The following RSRC1 variants were observed in gnomAD, a reference collection of about 807,000 sequenced individuals.
RSRC1 encodes the protein arginine and serine rich coiled-coil 1, also known as serine/Arginine-related protein 53.
Under a neutral mutation model 49.1 loss-of-function variants are expected in RSRC1, and 39 were observed. The ratio of observed to expected loss-of-function variants is 0.79; its 90% confidence interval spans 0.61 to 1.04. The LOEUF (loss-of-function observed/expected upper bound fraction) is 1.04. Among genes scored for constraint, RSRC1 ranks in the 50% least tolerant of loss-of-function variants. The pLI, the probability that RSRC1 is intolerant of heterozygous loss-of-function variation, is 0.00. For missense variants in RSRC1, 388 were observed against 402.4 expected (o/e 0.96, Z 0.31); for synonymous variants, 143 against 130.8 (o/e 1.09, Z -0.63).
At chr3:158,363,849 T>C (rs971083261) in intron 6 of RSRC1, among the ~76,000 whole-genome samples, 15 of 152,188 alleles carry the variant, frequency 9.9e-5, no homozygotes, top group African/African-American at 3.6e-4. Context: ...TCTAAAGTAA[T>C]GTTTTATGAT....
intron 3 of RSRC1, among the ~76,000 whole-genome samples, chr3:158,172,716 G>A (rs182615544): frequency 6.6e-6 from 1 of 152,194 alleles, no homozygotes; most frequent in Admixed American, 6.5e-5. Context: ...CTTTTAGGAT[G>A]TTTACTTAAT....
At chr3:158,400,281 G>A (rs1733831204) in intron 6 of RSRC1, among the ~76,000 whole-genome samples, 1 of 152,014 alleles carries the variant, frequency 6.6e-6, no homozygotes, top group Non-Finnish European at 1.5e-5. Flanking sequence ...CAAACTTCCT[G>A]CAGTGCCAGT....
chr3:158,423,389 A>G (rs1425798874), intron 6 of RSRC1, among the ~76,000 whole-genome samples: 1 of 151,898 alleles, frequency 6.6e-6, no homozygotes, highest in African/African-American at 2.4e-5. Context: ...ATAGTTGTAG[A>G]TATGCGGTGT....
chr3:158,171,379 A>C (rs1718872275), intron 3 of RSRC1, among the ~76,000 whole-genome samples: 1 of 152,198 alleles, frequency 6.6e-6, no homozygotes, highest in African/African-American at 2.4e-5. Flanking sequence ...ACTAATATTT[A>C]AGGGAAAAGA....
intron 9 of RSRC1, 28 bp from the exon 10 acceptor site, chr3:158,544,155 A>AT: frequency 6.6e-7 from 1 of 1,518,232 alleles, no homozygotes; most frequent in Non-Finnish European, 9.1e-7. Context: ...AGACAGTAAC[A>AT]TTTTTTCTTT....
intron 5 of RSRC1, among the ~76,000 whole-genome samples, chr3:158,333,732 C>T (rs563244171): frequency 2.0e-5 from 3 of 152,212 alleles, no homozygotes; most frequent in Admixed American, 2.0e-4. Flanking sequence ...AATAAAAACA[C>T]AGAAGGTTTT....
chr3:158,336,244 T>C (rs542927494), intron 5 of RSRC1, among the ~76,000 whole-genome samples: 11 of 152,336 alleles, frequency 7.2e-5, no homozygotes, highest in African/African-American at 2.4e-4. Flanking sequence ...TCTCCATTCA[T>C]TGGTCCGGCC....
In RSRC1 at chr3:158,382,407, T is replaced by G. The variant is rs150796276; in HGVS notation, c.583+27499T>G. On this transcript the variant is annotated intron_variant, in intron 6 of 9. Coordinates refer to ENST00000611884, the MANE Select transcript of RSRC1 (RefSeq NM_001271838.2). ...AACACAGTCATTTATTATGCTATGC[T>G]TTTATATGCTGGGCAGCACAGTTGG... Among the ~76,000 whole-genome samples, 383 of 152,348 alleles carry G rather than the reference T, an allele frequency of 2.5e-3. 1 individual carries two copies. The highest frequency in any genetic ancestry group is 4.7e-3 in the Non-Finnish European group (320 of 68,028).
At chr3:158,535,524 T>TGAAC (rs1712669495) in intron 7 of RSRC1, among the ~76,000 whole-genome samples, 1 of 150,906 alleles carries the variant, frequency 6.6e-6, no homozygotes, top group Non-Finnish European at 1.5e-5. Context: ...TCAGTAACAA[T>TGAAC]ACCCCTAGTA....
intron 4 of RSRC1, among the ~76,000 whole-genome samples, chr3:158,210,613 C>T (rs1395621014): frequency 6.6e-6 from 1 of 151,730 alleles, no homozygotes; most frequent in Non-Finnish European, 1.5e-5. Context: ...AATATTATAA[C>T]ATAGTGGCCC....
intron 6 of RSRC1, among the ~76,000 whole-genome samples, chr3:158,441,412 A>C (rs1185523192): frequency 1.3e-5 from 2 of 152,130 alleles, no homozygotes; most frequent in Non-Finnish European, 2.9e-5. Flanking sequence ...TAACAAAAGA[A>C]AGAACCAAAC....
intron 3 of RSRC1, among the ~76,000 whole-genome samples, chr3:158,162,585 G>C (rs1718295687): frequency 6.6e-6 from 1 of 152,074 alleles, no homozygotes; most frequent in African/African-American, 2.4e-5. Context: ...CCTTTGCATT[G>C]CTTACTTTTT....
At chr3:158,111,223 C>T (rs745951258) in intron 1 of RSRC1, among the ~76,000 whole-genome samples, 1 of 152,222 alleles carries the variant, frequency 6.6e-6, no homozygotes, top group Non-Finnish European at 1.5e-5. Flanking sequence ...CCTTTAAGAG[C>T]CTCTCTAGTC....
chr3:158,433,963 G>A (rs1578472709), intron 6 of RSRC1, among the ~76,000 whole-genome samples: 2 of 151,834 alleles, frequency 1.3e-5, no homozygotes, highest in South Asian at 4.2e-4. Flanking sequence ...TCTCTTGGCA[G>A]AATAATATTG....
intron 6 of RSRC1, among the ~76,000 whole-genome samples, chr3:158,387,725 C>T (rs1415737188): frequency 6.6e-6 from 1 of 152,030 alleles, no homozygotes; most frequent in Non-Finnish European, 1.5e-5. Context: ...TAGTGTGTGA[C>T]CAAGGATAAG....
intron 5 of RSRC1, among the ~76,000 whole-genome samples, chr3:158,298,471 TGAAA>T (rs1292139420): frequency 1.3e-5 from 2 of 152,136 alleles, no homozygotes; most frequent in Non-Finnish European, 2.9e-5. Context: ...TTAGCAGCTT[TGAAA>T]GAAGTGCACA....
chr3:158,188,188 C>T (rs1720034809), intron 3 of RSRC1, among the ~76,000 whole-genome samples: 1 of 151,862 alleles, frequency 6.6e-6, no homozygotes, highest in South Asian at 2.1e-4. Flanking sequence ...GGAACTCTTT[C>T]TCCCCCTGTG....
At chr3:158,476,990 G>T (rs762129651) in intron 7 of RSRC1, among the ~76,000 whole-genome samples, 1 of 152,142 alleles carries the variant, frequency 6.6e-6, no homozygotes, top group Non-Finnish European at 1.5e-5. Flanking sequence ...GGATAACTTC[G>T]AGGGGCTCAA....
intron 6 of RSRC1, among the ~76,000 whole-genome samples, chr3:158,370,476 A>G (rs1360464652): frequency 6.6e-6 from 1 of 151,794 alleles, no homozygotes; most frequent in African/African-American, 2.4e-5. Context: ...GAGTTTTGCT[A>G]TTTTTAGAAT....
Sources: gnomAD v4.1 joint callset for allele counts (sites outside exome capture counted in the v4.1 genomes callset) on GRCh38, gnomAD v4.1.1 for gene constraint, MANE v1.5 for transcripts, NCBI Gene and HGNC (gene_info 2026-07-23, HGNC 2026-07-21) for gene names.